Variants in NOL9 observed in about 807,000 individuals in gnomAD.
The protein encoded by NOL9 is nucleolar protein 9, also known as polynucleotide 5'-hydroxyl-kinase NOL9.
Under a neutral mutation model 67.9 loss-of-function variants are expected in NOL9, and 28 were observed. The observed-to-expected ratio is 0.41, with a 90% CI of 0.31 to 0.57. The LOEUF (loss-of-function observed/expected upper bound fraction) is 0.57. NOL9 is among the 20% of genes least tolerant of loss of function. NOL9 has a pLI of 0.25. For synonymous variants in NOL9, 356 were observed against 352.2 expected, an observed-to-expected ratio of 1.01 and a Z score of -0.12; for missense variants, 777 against 897.0, an observed-to-expected ratio of 0.87 and a Z score of 1.71.
At position 6,550,973 on chromosome 1, in the gene NOL9, G is replaced by A. The variant is rs139070924; in HGVS notation, c.397-358C>T. Among the ~76,000 whole-genome samples the A allele has an allele frequency of 8.6e-4, 131 of 152,212 alleles. 1 individual carries two copies. The highest frequency in any genetic ancestry group is 3.0e-3 in the African/African-American group (126 of 41,518). On this transcript the variant is annotated intron_variant, in intron 1 of 11. Coordinates refer to ENST00000377705, the MANE Select transcript of NOL9 (RefSeq NM_024654.5). ...GCTGGGATTACAGGCGTGCGCCACC[G>A]CACCTGGCCAAATTCTAAAATCTTA...
At position 6,540,124 on chromosome 1, in the gene NOL9, C is replaced by CTTT. The variant is rs770304509; in HGVS notation, c.1075+1703_1075+1705dup. Among the ~76,000 whole-genome samples the CTTT allele has an allele frequency of 3.8e-3, 393 of 104,376 alleles. 32 individuals are homozygous for CTTT. The highest frequency in any genetic ancestry group is 0.037 in the East Asian group (125 of 3,364). 68.5% of individuals were successfully genotyped at this position (104,376 alleles called of 152,430 possible). On this transcript the variant is annotated intron_variant, in intron 6 of 11. Transcript: ENST00000377705. Reference sequence around the variant, plus strand: ...CCTCAGCCTCCCAAGGAGAGTTATTCTTTTTTTTTTTTTTTTGAGACAGAG... The same window carrying CTTT: ...CCTCAGCCTCCCAAGGAGAGTTATTCTTTTTTTTTTTTTTTTTTTGAGACAGAG...
chr1:6,527,446 C>T (rs992288829), intron 10 of NOL9, among the ~76,000 whole-genome samples: 2 of 151,436 alleles, frequency 1.3e-5, no homozygotes, highest in African/African-American at 2.4e-5. Context: ...CAGGAGTTTG[C>T]GACCAGCCTG....
At position 6,540,124 on chromosome 1, in the gene NOL9, C is replaced by CT. The variant is rs770304509; in HGVS notation, c.1075+1705dup. ...CCTCAGCCTCCCAAGGAGAGTTATT[C>CT]TTTTTTTTTTTTTTTTGAGACAGAG... is the stretch of plus-strand genomic sequence containing the variant. On this transcript the variant is annotated intron_variant, in intron 6 of 11. Transcript: ENST00000377705. Among the ~76,000 whole-genome samples the CT allele has an allele frequency of 5.7e-5, 6 of 104,382 alleles. 1 individual carries two copies. The highest frequency in any genetic ancestry group is 7.9e-5 in the African/African-American group (2 of 25,318). The allele number at this position is 104,382 out of a possible 152,430, so 68.5% of individuals were successfully genotyped here.
At chr1:6,534,794 T>C (rs1639112293) in intron 6 of NOL9, among the ~76,000 whole-genome samples, 1 of 152,042 alleles carries the variant, frequency 6.6e-6, no homozygotes, top group South Asian at 2.1e-4. Context: ...TCTCTCTCTC[T>C]TTCTCTCTTT....
At chr1:6,546,035 G>C (rs1402536389) in intron 3 of NOL9, among the ~76,000 whole-genome samples, 2 of 150,994 alleles carry the variant, frequency 1.3e-5, no homozygotes, top group African/African-American at 4.9e-5. Context: ...AAAAAAGTCT[G>C]TTGAACCAAC....
intron 6 of NOL9, 44 bp downstream of exon 6, chr1:6,541,786 G>T: frequency 2.4e-6 from 3 of 1,225,338 alleles, no homozygotes; most frequent in Non-Finnish European, 3.5e-6. Flanking sequence ...CATCACATAT[G>T]AATTTCATAA....
chr1:6,535,583 T>G (rs1292722629), intron 6 of NOL9, among the ~76,000 whole-genome samples: 1 of 152,140 alleles, frequency 6.6e-6, no homozygotes, highest in Non-Finnish European at 1.5e-5. Flanking sequence ...ACACATAAAT[T>G]AATGTGTTCA....
chr1:6,526,279 A>G (rs1257238554), intron 11 of NOL9, among the ~76,000 whole-genome samples: 1 of 152,178 alleles, frequency 6.6e-6, no homozygotes, highest in Non-Finnish European at 1.5e-5. Flanking sequence ...AATGAGGGAC[A>G]CTGGAGGATG....
chr1:6,541,578 A>G (rs1370949639), intron 6 of NOL9, among the ~76,000 whole-genome samples: 1 of 152,226 alleles, frequency 6.6e-6, no homozygotes, highest in Non-Finnish European at 1.5e-5. Context: ...TTTACATAAA[A>G]CAAAATAATT....
rs79249896 is a variant in NOL9 at position 6,534,796 on chromosome 1, T to C, written c.1076-1355A>G. Among the ~76,000 whole-genome samples, 3 of 152,132 alleles carry C rather than the reference T, an allele frequency of 2.0e-5. No individual in the cohort carries two copies. In the East Asian group the frequency reaches 5.8e-4, roughly 29 times the overall value. On this transcript the variant is annotated intron_variant, in intron 6 of 11. Coordinates refer to ENST00000377705, the MANE Select transcript of NOL9 (RefSeq NM_024654.5). Reference sequence around the variant, plus strand: ...TCATGGCTCTCTGTCTCTCTCTCTTTCTCTCTTTTTTCTTTTTATTTTTTT... The same window carrying C: ...TCATGGCTCTCTGTCTCTCTCTCTTCCTCTCTTTTTTCTTTTTATTTTTTT...
intron 2 of NOL9, among the ~76,000 whole-genome samples, chr1:6,550,091 G>T (rs759897808): frequency 6.6e-6 from 1 of 152,044 alleles, no homozygotes; most frequent in Non-Finnish European, 1.5e-5. Flanking sequence ...GAGTGCAGTG[G>T]CGTGATCTCG....
At position 6,554,466 on chromosome 1, in the gene NOL9, AG is replaced by A; in HGVS notation, c.36del (p.Cys13AlafsTer130). On this transcript the variant is annotated frameshift_variant, in exon 1 of 12. Coordinates refer to ENST00000377705, the MANE Select transcript of NOL9 (RefSeq NM_024654.5). LOFTEE classifies it high-confidence loss of function. ...ADSGLLLKRG[S>X]CRSTWLRVRK... ...CGGACCCGCAGCCAAGTGGAACGGC[AG>A]GAACCCCGCTTTAGCAGCAGTCCCG... The A allele has an allele frequency of 6.4e-7, 1 of 1,550,602 alleles. No individual in the cohort carries two copies. Among genetic ancestry groups the A allele is most frequent in the Non-Finnish European group, 8.6e-7 (1 of 1,160,588 alleles).
chr1:6,542,179 T>A (rs78542152), intron 5 of NOL9, among the ~76,000 whole-genome samples: 4 of 82,808 alleles, frequency 4.8e-5, no homozygotes, highest in Non-Finnish European at 8.2e-5. Context: ...TTTTTTTTTT[T>A]ACGATGGAGT....
rs926180973 is a variant in NOL9, at chr1:6,532,196, C to A, written c.1536-117G>T. On this transcript the variant is annotated intron_variant, in intron 8 of 11. Coordinates refer to ENST00000377705, the MANE Select transcript of NOL9 (RefSeq NM_024654.5). ...GTACTGGGCTTTCCAACACTGCCCC[C>A]CCTTGACGGACCCCAACTGGAAAAA... 54 of 832,616 alleles carry A rather than the reference C, an allele frequency of 6.5e-5. 1 individual carries two copies. Among genetic ancestry groups the A allele is most frequent in the Admixed American group, 4.8e-5 (2 of 41,882 alleles). 51.6% of individuals were successfully genotyped at this position (832,616 alleles called of 1,614,324 possible). A position where few individuals can be genotyped will look rare whatever the true frequency, so the allele number is the denominator to read the frequency against.
chr1:6,530,746 T>A (rs1639006181), intron 9 of NOL9, among the ~76,000 whole-genome samples: 1 of 152,244 alleles, frequency 6.6e-6, no homozygotes, highest in South Asian at 2.1e-4. Flanking sequence ...AAGCTGTAAA[T>A]GAAGCACGTC....
chr1:6,529,833 C>G (rs922058701), intron 9 of NOL9, among the ~76,000 whole-genome samples: 5 of 147,476 alleles, frequency 3.4e-5, no homozygotes, highest in Non-Finnish European at 7.5e-5. Context: ...GGCTGAGGCA[C>G]AAGACTCACT....
At chr1:6,538,402 G>C (rs561026003) in intron 6 of NOL9, among the ~76,000 whole-genome samples, 2 of 152,156 alleles carry the variant, frequency 1.3e-5, no homozygotes, top group African/African-American at 4.8e-5. Flanking sequence ...ACCGGATGCC[G>C]TGGCTCACGC....
At chr1:6,543,194 T>C (rs909469713) in intron 5 of NOL9, among the ~76,000 whole-genome samples, 2 of 50,908 alleles carry the variant, frequency 3.9e-5, no homozygotes, top group Admixed American at 2.7e-4. Flanking sequence ...GTGCCCAGCC[T>C]TTTTTTCTTT....
At chr1:6,537,038 T>TA (rs922980970) in intron 6 of NOL9, among the ~76,000 whole-genome samples, 66 of 151,280 alleles carry the variant, frequency 4.4e-4, no homozygotes, top group African/African-American at 1.5e-3. Context: ...GGTAATGGCA[T>TA]AAAAAAAGAC....
Sources: gnomAD v4.1 joint callset for allele counts (sites outside exome capture counted in the v4.1 genomes callset) on GRCh38, gnomAD v4.1.1 for gene constraint, MANE v1.5 for transcripts, NCBI Gene and HGNC (gene_info 2026-07-23, HGNC 2026-07-21) for gene names.